NF1: variants seen among roughly 807,000 people sequenced by gnomAD.
The protein encoded by NF1 is neurofibromin 1.
A neutral mutation model predicts 325.7 loss-of-function variants in NF1; 122 were observed. That is an observed-to-expected ratio of 0.37 (90% CI 0.32 to 0.44). The LOEUF is 0.44. NF1 is among the 20% of genes least tolerant of loss of function. NF1 has a pLI of 1.00. For synonymous variants in NF1, 1,091 were observed against 1,186.0 expected, an observed-to-expected ratio of 0.92 and a Z score of 1.65; for missense variants, 2,140 against 3,415.4, an observed-to-expected ratio of 0.63 and a Z score of 9.31.
rs1250425717 is a variant in NF1 at position 31,223,670 on chromosome 17, C to T, written c.1845+103C>T. ...GCCAAATTAGGTTCTATTTCAGCTT[C>T]TCCTTCCTCCCAATGTTCTCAAAAG... On this transcript the variant is annotated intron_variant, in intron 16 of 57. Coordinates refer to ENST00000358273, the MANE Select transcript of NF1 (RefSeq NM_001042492.3). The T allele has an allele frequency of 2.7e-6, 3 of 1,093,040 alleles. No homozygotes were observed. The South Asian group carries it at 3.9e-5, about 14-fold the overall frequency. 67.7% of individuals were successfully genotyped at this position (1,093,040 alleles called of 1,614,324 possible).
intron 35 of NF1, 86 bp downstream of exon 35, chr17:31,261,943 G>T (rs2151466791): frequency 7.6e-7 from 1 of 1,322,772 alleles, no homozygotes; most frequent in Non-Finnish European, 1.1e-6. Flanking sequence ...AGATATGATA[G>T]AAGACTATGA....
intron 5 of NF1, among the ~76,000 whole-genome samples, chr17:31,175,600 A>C (rs2066008176): frequency 1.3e-5 from 2 of 152,110 alleles, no homozygotes; most frequent in Admixed American, 1.3e-4. Context: ...ATAGGTGTCC[A>C]TGTGCCATGG....
At chr17:31,331,952 A>G (rs1199805759) in intron 39 of NF1, 1 of 149,474 alleles carries the variant, frequency 6.7e-6, no homozygotes, top group African/African-American at 2.5e-5. Context: ...TGTATATAAA[A>G]GCTTGGAACC....
rs191019084 is a variant in NF1, at chr17:31,211,330, C to T, written c.1393-3121C>T. ...GTTTTTCCTCACTTTCTGTAACCCACTAAAATTAAAAGGTATTTGAGATGA... is the reference window on the plus strand; with the variant it reads ...GTTTTTCCTCACTTTCTGTAACCCATTAAAATTAAAAGGTATTTGAGATGA... On this transcript the variant is annotated intron_variant, in intron 12 of 57. Transcript: ENST00000358273. Among the ~76,000 whole-genome samples the T allele has an allele frequency of 7.9e-3, 1,201 of 152,284 alleles. 12 individuals carry two copies. The highest frequency in any genetic ancestry group is 0.014 in the Non-Finnish European group (939 of 68,024).
In NF1 at chr17:31,358,549, A is replaced by G. The variant is rs749163014; in HGVS notation, c.8040A>G (p.Pro2680=). Residue 2680 remains proline (P), a synonymous_variant, in exon 55 of 58, where the codon CCA becomes CCG. Coordinates refer to ENST00000358273, the MANE Select transcript of NF1 (RefSeq NM_001042492.3). ...GCCAAGATCCAAATTTGTTAAATCC[A>G]ATCCATGGAATTGTGCAGAGTGTGG... ...SLCQDPNLLN[P]IHGIVQSVVY... is the part of the protein sequence containing the mutation. The G allele has an allele frequency of 1.2e-6, 2 of 1,613,926 alleles. No individual in the cohort carries two copies. Among genetic ancestry groups the G allele is most frequent in the South Asian group, 1.1e-5 (1 of 91,082 alleles).
intron 11 of NF1, among the ~76,000 whole-genome samples, chr17:31,205,064 G>A (rs17883518): frequency 0.019 from 2,855 of 152,238 alleles, 101 homozygotes; most frequent in African/African-American, 0.065. Context: ...CTCCCTGAAT[G>A]GAGTTCAGTA....
At chr17:31,316,330 G>A (rs758498007) in intron 36 of NF1, among the ~76,000 whole-genome samples, 2 of 152,084 alleles carry the variant, frequency 1.3e-5, no homozygotes. Context: ...ATTTGGAAAG[G>A]AAACACTTCT....
At chr17:31,170,065 A>T in intron 5 of NF1, 68 bp downstream of exon 5, 1 of 962,230 alleles carries the variant, frequency 1.0e-6, no homozygotes, top group Non-Finnish European at 1.6e-6. Context: ...TGAATGTACT[A>T]ATTATATTAA....
At chr17:31,176,867 G>A (rs1269270776) in intron 5 of NF1, among the ~76,000 whole-genome samples, 1 of 152,108 alleles carries the variant, frequency 6.6e-6, no homozygotes, top group Non-Finnish European at 1.5e-5. Context: ...ATTGGTCTAT[G>A]TATCTGTTTT....
chr17:31,129,767 C>T (rs539620532), intron 1 of NF1, among the ~76,000 whole-genome samples: 2 of 152,126 alleles, frequency 1.3e-5, no homozygotes, highest in East Asian at 3.9e-4. Context: ...TGTATGAGGT[C>T]GTTTATATTC....
chr17:31,226,456 G>C lies in NF1; in HGVS notation c.2023G>C (p.Gly675Arg), dbSNP rs779546178. ...TCAGGATAGTGCAGCAGGATGCAGC[G>C]GAACCCCCCCGATTTGCCGACAAGC... is the stretch of plus-strand genomic sequence containing the variant. ...SSMDSAAGCS[G>R]TPPICRQAQT... Residue 675 changes from glycine (G) to arginine (R), a missense_variant, in exon 18 of 58, where the codon GGA (glycine) becomes CGA (arginine). Gly to Arg is a moderately radical substitution (Grantham distance 125). Transcript: ENST00000358273. 1 of 1,613,602 alleles carries C rather than the reference G, an allele frequency of 6.2e-7. No homozygotes were observed. The highest frequency in any genetic ancestry group is 8.5e-7 in the Non-Finnish European group (1 of 1,179,776).
At chr17:31,130,772 G>A (rs1915313443) in intron 1 of NF1, among the ~76,000 whole-genome samples, 1 of 152,208 alleles carries the variant, frequency 6.6e-6, no homozygotes, top group Admixed American at 6.5e-5. Flanking sequence ...GTGTGCTGGC[G>A]GGGAAGGGAA....
chr17:31,195,559 A>G (rs1246620080), intron 8 of NF1, among the ~76,000 whole-genome samples: 1 of 152,052 alleles, frequency 6.6e-6, no homozygotes, highest in African/African-American at 2.4e-5. Flanking sequence ...ACTCCTGGCA[A>G]CCGTCCTTTT....
intron 48 of NF1, among the ~76,000 whole-genome samples, chr17:31,343,806 A>G (rs1033530093): frequency 6.6e-6 from 1 of 152,088 alleles, no homozygotes; most frequent in Non-Finnish European, 1.5e-5. Flanking sequence ...AAATAAAAAC[A>G]TTAGCCAGGT....
At chr17:31,343,933 G>A (rs17882029) in intron 48 of NF1, among the ~76,000 whole-genome samples, 8 of 151,366 alleles carry the variant, frequency 5.3e-5, no homozygotes, top group African/African-American at 1.9e-4. Flanking sequence ...TCCAGCCTGG[G>A]TGACAGAGTG....
intron 1 of NF1, among the ~76,000 whole-genome samples, chr17:31,135,305 C>T (rs191312727): frequency 2.2e-4 from 34 of 152,164 alleles, no homozygotes; most frequent in Admixed American, 1.2e-3. Context: ...ATGTAGTGCC[C>T]CTCTTGATCT....
chr17:31,302,677 TA>T (rs1214165726), intron 36 of NF1, among the ~76,000 whole-genome samples: 22 of 147,460 alleles, frequency 1.5e-4, no homozygotes, highest in South Asian at 2.1e-4. Flanking sequence ...CCATCTCTAC[TA>T]AAAAAAAAAT....
chr17:31,238,140 A>G (rs2067234825), intron 29 of NF1, among the ~76,000 whole-genome samples: 1 of 152,070 alleles, frequency 6.6e-6, no homozygotes, highest in Admixed American at 6.5e-5. Flanking sequence ...GAGGCTGAGC[A>G]TGGAGTGCCT....
intron 36 of NF1, chr17:31,314,482 T>C (rs2068970457): frequency 6.5e-6 from 1 of 152,948 alleles, no homozygotes; most frequent in South Asian, 2.1e-4. Context: ...GAATATTTTA[T>C]TGGGTTATTG....
Sources: allele counts gnomAD v4.1 joint callset (sites outside exome capture counted in the v4.1 genomes callset), GRCh38; gene constraint gnomAD v4.1.1; transcripts MANE v1.5; gene names NCBI Gene and HGNC (gene_info 2026-07-23, HGNC 2026-07-21).